SETBP1: variants seen among roughly 807,000 people sequenced by gnomAD.
SETBP1 encodes the protein SET-binding protein.
A neutral mutation model predicts 101.0 loss-of-function variants in SETBP1; 9 were observed. The ratio of observed to expected loss-of-function variants is 0.09; its 90% CI spans 0.05 to 0.16. The LOEUF is 0.16. SETBP1 is among the 10% of genes least tolerant of loss of function. The pLI, the probability that SETBP1 is intolerant of heterozygous loss-of-function variation, is 1.00. For missense variants in SETBP1, 1,858 were observed against 2,033.8 expected (o/e 0.91, Z 1.66); for synonymous variants, 818 against 788.5 (o/e 1.04, Z -0.63).
In SETBP1 at chr18:45,064,211, A is replaced by C. The variant is rs1407013612; in HGVS notation, c.*513A>C. ...AAGCTCTGCTAAGCTTTGGGGTACCAACGTCATCTTCAGGTGACCTGAATC... is the reference window on the plus strand; with the variant it reads ...AAGCTCTGCTAAGCTTTGGGGTACCCACGTCATCTTCAGGTGACCTGAATC... On this transcript the variant is annotated 3_prime_UTR_variant, in exon 6 of 6. Transcript: ENST00000649279. 1 of 153,098 alleles carries C rather than the reference A, an allele frequency of 6.5e-6. No homozygotes were observed. Among genetic ancestry groups the C allele is most frequent in the East Asian group, 1.9e-4 (1 of 5,212 alleles). 9.5% of individuals were successfully genotyped at this position (153,098 alleles called of 1,614,324 possible). A position where few individuals can be genotyped will look rare whatever the true frequency, so the allele number is the denominator to read the frequency against.
chr18:44,864,139 C>T (rs2069078607), intron 2 of SETBP1, among the ~76,000 whole-genome samples: 1 of 152,112 alleles, frequency 6.6e-6, no homozygotes, highest in African/African-American at 2.4e-5. Flanking sequence ...CACCTCCTCC[C>T]CTCCTGTGTG....
intron 2 of SETBP1, among the ~76,000 whole-genome samples, chr18:44,712,953 C>CTTTT (rs11323504): frequency 1.5e-5 from 1 of 64,894 alleles, no homozygotes; most frequent in Non-Finnish European, 2.8e-5. Context: ...CAGCATCCCT[C>CTTTT]TTTTTTTTTT....
intron 4 of SETBP1, among the ~76,000 whole-genome samples, chr18:44,984,214 CA>C (rs779631538): frequency 2.2e-4 from 33 of 152,220 alleles, no homozygotes; most frequent in South Asian, 4.1e-4. Context: ...AAACAAAAAC[CA>C]TGTATCAGTG....
At chr18:45,037,504 G>T (rs914314677) in intron 4 of SETBP1, among the ~76,000 whole-genome samples, 1 of 152,122 alleles carries the variant, frequency 6.6e-6, no homozygotes, top group South Asian at 2.1e-4. Context: ...CTTGTCGGAT[G>T]CTCACAACAG....
intron 2 of SETBP1, among the ~76,000 whole-genome samples, chr18:44,823,983 T>C (rs978218316): frequency 2.6e-5 from 4 of 152,220 alleles, no homozygotes; most frequent in Admixed American, 2.6e-4. Context: ...TAATCCCAGG[T>C]GGCTGTGAGG....
At position 44,875,527 on chromosome 18, in the gene SETBP1, CAA is replaced by C. The variant is rs10645515; in HGVS notation, c.540+6267_540+6268del. ...CTGGCAAGAGAGCAAGACTCCATCT[CAA>C]AAAAAAAAAAAAAAAAAAAAAAGAA... On this transcript the variant is annotated intron_variant, in intron 3 of 5. Coordinates refer to ENST00000649279, the MANE Select transcript of SETBP1 (RefSeq NM_015559.3). 4.6e-3 allele frequency among the ~76,000 whole-genome samples: 285 copies of C among 61,598 alleles called. 1 individual carries two copies. Among genetic ancestry groups the C allele is most frequent in the Non-Finnish European group, 5.4e-3 (198 of 36,782 alleles). 40.4% of individuals were successfully genotyped at this position (61,598 alleles called of 152,430 possible).
At chr18:44,941,233 C>T (rs1482809214) in intron 3 of SETBP1, among the ~76,000 whole-genome samples, 1 of 151,830 alleles carries the variant, frequency 6.6e-6, no homozygotes, top group African/African-American at 2.4e-5. Flanking sequence ...AGGCATGCAC[C>T]ACAACACCCT....
chr18:45,040,080 T>G (rs1200998990), intron 5 of SETBP1, among the ~76,000 whole-genome samples: 1 of 152,138 alleles, frequency 6.6e-6, no homozygotes, highest in South Asian at 2.1e-4. Context: ...CACACAACCC[T>G]TTTTTCTGGG....
At chr18:44,719,008 G>C (rs1033921670) in intron 2 of SETBP1, among the ~76,000 whole-genome samples, 3 of 152,236 alleles carry the variant, frequency 2.0e-5, no homozygotes, top group Admixed American at 1.3e-4. Flanking sequence ...TTAGTTGAAG[G>C]CTTCCATTCT....
intron 2 of SETBP1, among the ~76,000 whole-genome samples, chr18:44,722,296 C>T (rs913780023): frequency 6.6e-5 from 10 of 152,154 alleles, no homozygotes; most frequent in African/African-American, 1.9e-4. Context: ...TCACCATCTC[C>T]GGTCGCCTTT....
intron 1 of SETBP1, among the ~76,000 whole-genome samples, chr18:44,681,223 G>A (rs1598982719): frequency 1.3e-5 from 2 of 152,294 alleles, no homozygotes. Context: ...TGAACGGCAG[G>A]CTTCCCCGTT....
chr18:44,921,463 A>G (rs904346688), intron 3 of SETBP1, among the ~76,000 whole-genome samples: 1 of 152,072 alleles, frequency 6.6e-6, no homozygotes, highest in Admixed American at 6.6e-5. Flanking sequence ...TCCATGTTGG[A>G]GAGGCTAAAG....
intron 2 of SETBP1, among the ~76,000 whole-genome samples, chr18:44,832,443 A>G (rs1359895684): frequency 1.3e-5 from 2 of 152,224 alleles, no homozygotes; most frequent in African/African-American, 4.8e-5. Flanking sequence ...CCACTGTCTC[A>G]GAAACACATC....
chr18:44,955,998 C>A (rs1398886684), intron 4 of SETBP1, among the ~76,000 whole-genome samples: 1 of 152,182 alleles, frequency 6.6e-6, no homozygotes. Context: ...CCACCTCTGT[C>A]CTTACTGAAA....
At chr18:44,896,715 C>T (rs1255437342) in intron 3 of SETBP1, among the ~76,000 whole-genome samples, 2 of 152,158 alleles carry the variant, frequency 1.3e-5, no homozygotes, top group Non-Finnish European at 2.9e-5. Context: ...ATCTCGGCCT[C>T]CCAAAGTGCT....
intron 3 of SETBP1, among the ~76,000 whole-genome samples, chr18:44,894,934 G>A (rs992039525): frequency 7.1e-5 from 10 of 141,688 alleles, no homozygotes; most frequent in South Asian, 2.3e-4. Flanking sequence ...GCAACATAGC[G>A]AGACCCTATC....
intron 2 of SETBP1, among the ~76,000 whole-genome samples, chr18:44,783,745 C>A (rs2071183103): frequency 6.6e-6 from 1 of 152,260 alleles, no homozygotes; most frequent in African/African-American, 2.4e-5. Context: ...ATTTTAAATG[C>A]AGAACATGAG....
chr18:45,003,535 G>A (rs1317632696), intron 4 of SETBP1, among the ~76,000 whole-genome samples: 2 of 152,122 alleles, frequency 1.3e-5, no homozygotes. Flanking sequence ...TCTAGGCATG[G>A]CCTCGAGGAC....
intron 2 of SETBP1, among the ~76,000 whole-genome samples, chr18:44,834,953 G>A (rs957560370): frequency 6.6e-6 from 1 of 152,186 alleles, no homozygotes; most frequent in African/African-American, 2.4e-5. Context: ...AGAGGAAAGA[G>A]GAAAGGGTAT....
Sources: allele counts gnomAD v4.1 joint callset (sites outside exome capture counted in the v4.1 genomes callset), GRCh38; gene constraint gnomAD v4.1.1; transcripts MANE v1.5; gene names NCBI Gene and HGNC (gene_info 2026-07-23, HGNC 2026-07-21).